KDM5A: variants seen among roughly 807,000 people sequenced by gnomAD.
The protein encoded by KDM5A is lysine-specific demethylase 5A.
Under a neutral mutation model 193.5 loss-of-function variants are expected in KDM5A, and 42 were observed. The observed-to-expected ratio is 0.22, with a 90% CI of 0.17 to 0.28. KDM5A has a LOEUF of 0.28. Among genes scored for constraint, KDM5A ranks in the 10% least tolerant of loss-of-function variants. KDM5A has a pLI of 1.00. For missense variants in KDM5A, 1,692 were observed against 2,055.1 expected (o/e 0.82, Z 3.42); for synonymous variants, 796 against 718.1 (o/e 1.11, Z -1.73).
At position 282,129 on chromosome 12, in the gene KDM5A, C is replaced by G. The variant is rs181272791; in HGVS notation, c.*3327G>C. On this transcript the variant is annotated 3_prime_UTR_variant, in exon 28 of 28. Transcript: ENST00000399788. ...CAGAAGCACAGAAGCAAAGCCCAGG[C>G]AGAACCATGCTAACCTTACAGCTTA... 3.3e-6 allele frequency: 1 copy of G among 299,840 alleles called. No homozygotes were observed. The highest frequency in any genetic ancestry group is 5.7e-5 in the East Asian group (1 of 17,554). The allele number at this position is 299,840 out of a possible 1,614,324, so 18.6% of individuals were successfully genotyped here.
intron 3 of KDM5A, among the ~76,000 whole-genome samples, chr12:372,189 C>G (rs542972789): frequency 1.3e-5 from 2 of 152,164 alleles, no homozygotes; most frequent in African/African-American, 2.4e-5. Context: ...CTACCTTGGG[C>G]AGTATGGCCA....
intron 5 of KDM5A, among the ~76,000 whole-genome samples, chr12:359,049 A>C (rs1944262406): frequency 6.6e-6 from 1 of 152,036 alleles, no homozygotes; most frequent in South Asian, 2.1e-4. Context: ...AAATTAAAGC[A>C]GTGATCACAG....
chr12:285,721 A>G (rs1445119987), intron 27 of KDM5A, 59 bp from the exon 28 acceptor site: 2 of 1,463,908 alleles, frequency 1.4e-6, no homozygotes, highest in Non-Finnish European at 9.6e-7. Flanking sequence ...CTAGAATAAA[A>G]GCAAACCAAA....
chr12:305,596 T>C (rs16929317), intron 24 of KDM5A, among the ~76,000 whole-genome samples: 3,908 of 152,276 alleles, frequency 0.026, 156 homozygotes, highest in African/African-American at 0.089. Context: ...GTTACAAGAA[T>C]AGATTCTAAA....
chr12:332,070 T>C, intron 12 of KDM5A, 132 bp from the exon 13 acceptor site: 3 of 808,934 alleles, frequency 3.7e-6, no homozygotes, highest in Non-Finnish European at 6.0e-6. Context: ...GTTACACATA[T>C]CAGAAAATGA....
intron 3 of KDM5A, among the ~76,000 whole-genome samples, chr12:374,126 T>C (rs988750548): frequency 6.6e-6 from 1 of 152,182 alleles, no homozygotes; most frequent in Non-Finnish European, 1.5e-5. Context: ...TTTCAATTCC[T>C]GGATATCCTT....
At chr12:346,102 A>G (rs1283871718) in intron 10 of KDM5A, among the ~76,000 whole-genome samples, 1 of 152,222 alleles carries the variant, frequency 6.6e-6, no homozygotes, top group Non-Finnish European at 1.5e-5. Flanking sequence ...CCAATCCCAC[A>G]GAAATACAAA....
chr12:387,518 G>A (rs756878640), intron 1 of KDM5A, among the ~76,000 whole-genome samples: 9 of 152,178 alleles, frequency 5.9e-5, no homozygotes, highest in Non-Finnish European at 1.2e-4. Flanking sequence ...GTTTTTGGAG[G>A]ATGGCAATGC....
Position 388,673 on chromosome 12 carries a change from C to G in KDM5A, c.165+254G>C, listed in dbSNP as rs1944680112. 9 of 574,568 alleles carry G rather than the reference C, an allele frequency of 1.6e-5. No homozygotes were observed. The South Asian group carries it at 1.6e-4, about 10-fold the overall frequency. The allele number at this position is 574,568 out of a possible 1,614,324, so 35.6% of individuals were successfully genotyped here. A position where few individuals can be genotyped will look rare whatever the true frequency, so the allele number is the denominator to read the frequency against. Reference sequence around the variant, plus strand: ...TATCGGCTAACGAAAGGCTTTAGGCCCACGGCTGAGAGAAAAGTATCAGTT... The same window carrying G: ...TATCGGCTAACGAAAGGCTTTAGGCGCACGGCTGAGAGAAAAGTATCAGTT... On this transcript the variant is annotated intron_variant, in intron 1 of 27. Transcript: ENST00000399788.
chr12:286,154 CT>C, intron 27 of KDM5A: 1 of 507,024 alleles, frequency 2.0e-6, no homozygotes, highest in Non-Finnish European at 4.1e-6. Flanking sequence ...ACATAGGCCA[CT>C]TTTAAAACTA....
chr12:306,102 G>A (rs190754544), intron 24 of KDM5A, among the ~76,000 whole-genome samples: 17 of 150,070 alleles, frequency 1.1e-4, no homozygotes, highest in African/African-American at 4.2e-4. Flanking sequence ...CTCCCAAGTA[G>A]CTGGGACTAC....
chr12:294,783 G>A (rs1490732790), intron 26 of KDM5A, among the ~76,000 whole-genome samples: 1 of 152,124 alleles, frequency 6.6e-6, no homozygotes, highest in Non-Finnish European at 1.5e-5. Context: ...ATTTTTTACT[G>A]GATGTGTGAC....
chr12:316,595 C>A (rs2137401464), intron 19 of KDM5A, among the ~76,000 whole-genome samples: 1 of 152,278 alleles, frequency 6.6e-6, no homozygotes, highest in South Asian at 2.1e-4. Flanking sequence ...CATTTGGTGG[C>A]CTACTACCAG....
chr12:326,610 C>T (rs1943788256), intron 14 of KDM5A, among the ~76,000 whole-genome samples: 1 of 152,222 alleles, frequency 6.6e-6, no homozygotes, highest in Non-Finnish European at 1.5e-5. Flanking sequence ...GCCTGTAATC[C>T]CAGCACTTTG....
At chr12:322,197 CT>C in intron 17 of KDM5A, 2 of 561,892 alleles carry the variant, frequency 3.6e-6, no homozygotes, top group Non-Finnish European at 6.4e-6. Flanking sequence ...AAAAATGTGC[CT>C]GCTATGTATG....
rs892292188 is a variant in KDM5A, at chr12:313,256, G to A, written c.2898-62C>T. 1.0e-5 allele frequency: 16 copies of A among 1,567,632 alleles called. No homozygotes were observed. The African/African-American group carries it at 1.5e-4, about 15-fold the overall frequency. Reference sequence around the variant, plus strand: ...AAATCAACATTTAAGTAACATTTCAGAATGTTTAGAGAACTTTCATTTACA... The same window carrying A: ...AAATCAACATTTAAGTAACATTTCAAAATGTTTAGAGAACTTTCATTTACA... On this transcript the variant is annotated intron_variant, in intron 19 of 27. Transcript: ENST00000399788.
In KDM5A at chr12:282,850, C is replaced by A. The variant is rs917084814; in HGVS notation, c.*2606G>T. 1 of 232,374 alleles carries A rather than the reference C, an allele frequency of 4.3e-6. No individual in the cohort carries two copies. Among genetic ancestry groups the A allele is most frequent in the Non-Finnish European group, 8.5e-6 (1 of 117,630 alleles). 14.4% of individuals were successfully genotyped at this position (232,374 alleles called of 1,614,324 possible). A position where few individuals can be genotyped will look rare whatever the true frequency, so the allele number is the denominator to read the frequency against. The stretch of plus-strand genomic sequence containing the variant: ...GCTTTGTATTAGAACACCAACATTT[C>A]TTTAAATAGATGAATCTTGTTTCAT... On this transcript the variant is annotated 3_prime_UTR_variant, in exon 28 of 28. Transcript: ENST00000399788.
intron 3 of KDM5A, among the ~76,000 whole-genome samples, chr12:380,323 A>T (rs895104603): frequency 1.3e-5 from 2 of 152,178 alleles, no homozygotes; most frequent in African/African-American, 4.8e-5. Flanking sequence ...TTACCTTTTA[A>T]ATGGAAAATC....
intron 3 of KDM5A, among the ~76,000 whole-genome samples, chr12:375,760 T>C (rs1944494919): frequency 6.6e-6 from 1 of 152,192 alleles, no homozygotes; most frequent in South Asian, 2.1e-4. Flanking sequence ...GGGATTTTGG[T>C]GTGGATGTCC....
Sources: allele counts gnomAD v4.1 joint callset (sites outside exome capture counted in the v4.1 genomes callset), GRCh38; gene constraint gnomAD v4.1.1; transcripts MANE v1.5; gene names NCBI Gene and HGNC (gene_info 2026-07-23, HGNC 2026-07-21).